Variants in CASR observed in about 807,000 individuals in gnomAD.
The protein encoded by CASR is extracellular calcium-sensing receptor.
CASR carries 23 observed loss-of-function variants against 69.1 expected under a neutral mutation model. The observed-to-expected ratio is 0.33, with a 90% CI of 0.24 to 0.47. The LOEUF is 0.47. CASR is among the 20% of genes least tolerant of loss of function. The pLI, the probability that CASR is intolerant of heterozygous loss-of-function variation, is 1.00. For missense variants in CASR, 924 were observed against 1,356.1 expected (o/e 0.68, Z 5.00); for synonymous variants, 541 against 544.7 (o/e 0.99, Z 0.10).
chr3:122,239,627 C>T (rs753196458), intron 1 of CASR, among the ~76,000 whole-genome samples: 8 of 152,240 alleles, frequency 5.3e-5, no homozygotes, highest in Admixed American at 1.3e-4. Flanking sequence ...AGTGCTGTGA[C>T]GGCTTCAGGC....
chr3:122,247,713 G>T (rs374951403), intron 1 of CASR: 1 of 152,298 alleles, frequency 6.6e-6, no homozygotes, highest in Non-Finnish European at 1.5e-5. Flanking sequence ...TCCAGGCCGC[G>T]GATGGGACAG....
chr3:122,199,147 T>A (rs1232717211), intron 1 of CASR, among the ~76,000 whole-genome samples: 1 of 152,230 alleles, frequency 6.6e-6, no homozygotes, highest in Admixed American at 6.5e-5. Flanking sequence ...TGCTTATACA[T>A]CTTTCCCCAT....
At chr3:122,208,421 C>G (rs2074030191) in intron 1 of CASR, among the ~76,000 whole-genome samples, 2 of 151,876 alleles carry the variant, frequency 1.3e-5, no homozygotes, top group African/African-American at 4.8e-5. Flanking sequence ...TTTTCTAAAC[C>G]TTACATGCTT....
intron 2 of CASR, among the ~76,000 whole-genome samples, chr3:122,254,812 T>C (rs1217716372): frequency 2.0e-5 from 3 of 152,218 alleles, no homozygotes; most frequent in African/African-American, 7.2e-5. Flanking sequence ...TTTCTTTCTT[T>C]TTTTTAAGGC....
rs201013419 is a variant in CASR at position 122,257,171 on chromosome 3, G to T, written c.276G>T (p.Thr92=). ...NSSPALLPNL[T]LGYRIFDTCN... ...GCCCAGCCCTTCTTCCCAACTTGAC[G>T]CTGGGATACAGGATATTTGACACTT... is the stretch of plus-strand genomic sequence containing the variant. The change falls in exon 3 of 7, where the codon ACG becomes ACT. Residue 92 remains threonine, a synonymous_variant. Coordinates refer to ENST00000639785, the MANE Select transcript of CASR (RefSeq NM_000388.4). 6.2e-7 allele frequency: 1 copy of T among 1,614,126 alleles called. No individual in the cohort carries two copies. The highest frequency in any genetic ancestry group is 8.5e-7 in the Non-Finnish European group (1 of 1,179,998).
At chr3:122,212,276 G>C (rs1260038718) in intron 1 of CASR, among the ~76,000 whole-genome samples, 2 of 152,160 alleles carry the variant, frequency 1.3e-5, no homozygotes, top group African/African-American at 4.8e-5. Flanking sequence ...GATGGAGCTG[G>C]AAGCCATTAT....
chr3:122,255,703 A>C (rs562609302), intron 2 of CASR, among the ~76,000 whole-genome samples: 20 of 152,340 alleles, frequency 1.3e-4, no homozygotes, highest in Non-Finnish European at 2.5e-4. Context: ...AAAATCTGTA[A>C]TATTTCATAA....
chr3:122,259,627 A>ATTTTT (rs2074597093), intron 3 of CASR, among the ~76,000 whole-genome samples: 30 of 91,562 alleles, frequency 3.3e-4, no homozygotes, highest in Admixed American at 3.2e-3. Flanking sequence ...ACACATTGGA[A>ATTTTT]ATTTTTTTTT....
Position 122,251,281 on chromosome 3 carries a change from A to G in CASR, c.-242-2667A>G, listed in dbSNP as rs928759093. 3.9e-5 allele frequency among the ~76,000 whole-genome samples: 6 copies of G among 152,210 alleles called. 1 individual carries two copies. Among genetic ancestry groups the G allele is most frequent in the African/African-American group, 1.4e-4 (6 of 41,464 alleles). On this transcript the variant is annotated intron_variant, in intron 1 of 6. Coordinates refer to ENST00000639785, the MANE Select transcript of CASR (RefSeq NM_000388.4). ...TGTAATAAAGTGTGATGAACCTTCC[A>G]AGAGGGAAGCTCCAAGATCCAAGAC...
intron 1 of CASR, among the ~76,000 whole-genome samples, chr3:122,230,434 G>A (rs753355700): frequency 1.3e-5 from 2 of 152,222 alleles, no homozygotes; most frequent in Non-Finnish European, 2.9e-5. Context: ...GGATGCGGGC[G>A]TGAGAGGGAC....
At chr3:122,205,508 G>A (rs1237328833) in intron 1 of CASR, among the ~76,000 whole-genome samples, 5 of 152,066 alleles carry the variant, frequency 3.3e-5, no homozygotes, top group African/African-American at 4.8e-5. Context: ...GTCAAGTAGT[G>A]TGATGCCTCT....
intron 1 of CASR, among the ~76,000 whole-genome samples, chr3:122,243,422 G>A (rs2074397280): frequency 6.6e-6 from 1 of 152,028 alleles, no homozygotes; most frequent in South Asian, 2.1e-4. Context: ...ATATGAAAAG[G>A]TGCTCAACAT....
intron 1 of CASR, among the ~76,000 whole-genome samples, chr3:122,197,992 G>A (rs2073906631): frequency 1.3e-5 from 2 of 152,082 alleles, no homozygotes; most frequent in South Asian, 4.1e-4. Context: ...TTTAAAAAAT[G>A]TCTCACCACT....
At chr3:122,232,930 C>G (rs2074293491) in intron 1 of CASR, among the ~76,000 whole-genome samples, 1 of 152,102 alleles carries the variant, frequency 6.6e-6, no homozygotes, top group African/African-American at 2.4e-5. Context: ...GTCTCTGTGA[C>G]CATGATAAAG....
At chr3:122,282,360 A>G (rs1350257557) in intron 6 of CASR, 124 bp downstream of exon 6, 2 of 919,306 alleles carry the variant, frequency 2.2e-6, no homozygotes, top group Non-Finnish European at 3.6e-6. Flanking sequence ...TAACAAAGGT[A>G]TATCTGAGCA....
chr3:122,282,291 G>A (rs2074901573), intron 6 of CASR, 55 bp downstream of exon 6: 1 of 1,582,284 alleles, frequency 6.3e-7, no homozygotes, highest in Admixed American at 1.7e-5. Context: ...CGGAGGCCTG[G>A]GGTCAGTGAA....
chr3:122,252,450 A>AAGAAAGAAAGAAAAG (rs1553765694), intron 1 of CASR, among the ~76,000 whole-genome samples: 7 of 100,536 alleles, frequency 7.0e-5, no homozygotes, highest in African/African-American at 2.9e-4. Flanking sequence ...AGAAAGAAAA[A>AAGAAAGAAAGAAAAG]AAAGAAAAGA....
At position 122,282,202 on chromosome 3, in the gene CASR, G is replaced by A. The variant is rs2074899115; in HGVS notation, c.1698G>A (p.Val566=). 1.2e-6 allele frequency: 2 copies of A among 1,614,178 alleles called. No individual in the cohort carries two copies. Among genetic ancestry groups the A allele is most frequent in the Middle Eastern group, 1.6e-4 (1 of 6,062 alleles). Residue 566 remains valine (V), a synonymous_variant, in exon 6 of 7, where the codon GTG becomes GTA. Transcript: ENST00000639785. ...EGEPTCCFEC[V]ECPDGEYSDE... ...AGCCCACCTGCTGCTTTGAGTGTGT[G>A]GAGTGTCCTGATGGGGAGTATAGTG...
At chr3:122,283,454 G>A (rs1431326138) in intron 6 of CASR, among the ~76,000 whole-genome samples, 3 of 152,014 alleles carry the variant, frequency 2.0e-5, no homozygotes, top group African/African-American at 7.3e-5. Context: ...ATGTGCAAAG[G>A]GAAAACAAAC....
Sources: allele counts gnomAD v4.1 joint callset (sites outside exome capture counted in the v4.1 genomes callset), GRCh38; gene constraint gnomAD v4.1.1; transcripts MANE v1.5; gene names NCBI Gene and HGNC (gene_info 2026-07-23, HGNC 2026-07-21).